Variants in ARMC2 observed in about 807,000 individuals in gnomAD.
The protein encoded by ARMC2 is armadillo repeat containing 2, also known as armadillo repeat-containing protein 2.
In ARMC2, 67 loss-of-function variants were observed where a neutral mutation model predicts 90.3. The ratio of observed to expected loss-of-function variants is 0.74; its 90% CI spans 0.61 to 0.91. The LOEUF is 0.91. Among genes scored for constraint, ARMC2 ranks in the 40% least tolerant of loss-of-function variants. ARMC2 has a pLI of 0.00. For synonymous variants in ARMC2, 393 were observed against 393.0 expected (o/e 1.00, Z 0.00); for missense variants, 920 against 1,030.9 (o/e 0.89, Z 1.47).
At chr6:108,861,754 G>T (rs1775266846) in intron 3 of ARMC2, among the ~76,000 whole-genome samples, 1 of 152,198 alleles carries the variant, frequency 6.6e-6, no homozygotes, top group Admixed American at 6.5e-5. Flanking sequence ...CAGCTCGGTG[G>T]CTCTACCTTA....
chr6:109,005,839 C>T, the ARMC2 span, among the ~76,000 whole-genome samples: 3 of 152,158 alleles, frequency 2.0e-5, no homozygotes, highest in Non-Finnish European at 2.9e-5. Flanking sequence ...ACAAATTATA[C>T]AAACGTGAGT....
chr6:109,018,544 G>A, the ARMC2 span, among the ~76,000 whole-genome samples: 20 of 151,780 alleles, frequency 1.3e-4, no homozygotes, highest in Admixed American at 5.9e-4. Context: ...CTGAAAGGGT[G>A]TAACTGTCAA....
At chr6:108,957,032 C>A (rs533235039) in intron 13 of ARMC2, among the ~76,000 whole-genome samples, 1 of 152,270 alleles carries the variant, frequency 6.6e-6, no homozygotes, top group South Asian at 2.1e-4. Flanking sequence ...GGTCAAGGGC[C>A]TCCCTGTGAG....
At position 108,876,302 on chromosome 6, in the gene ARMC2, A is replaced by T; in HGVS notation, c.623A>T (p.Glu208Val). ...GGCTTCAGTGAAATAAAGGAGCAAG[A>T]AATGTTCAAAGGAACAACATCTTTA... Reference protein sequence around the residue: ...DGGFSEIKEQEMFKGTTSLPS... With the variant: ...DGGFSEIKEQVMFKGTTSLPS... Residue 208 changes from glutamate (E) to valine (V), a missense_variant, in exon 5 of 18, where the codon GAA becomes GTA. Transcript: ENST00000392644. 3 of 1,612,792 alleles carry T rather than the reference A, an allele frequency of 1.9e-6. No homozygotes were observed. The highest frequency in any genetic ancestry group is 2.5e-6 in the Non-Finnish European group (3 of 1,179,586).
At chr6:108,961,881 T>TACA in intron 14 of ARMC2, 133 bp from the exon 15 acceptor site, 1 of 982,192 alleles carries the variant, frequency 1.0e-6, no homozygotes, top group Non-Finnish European at 1.5e-6. Flanking sequence ...TCTTAGTTCT[T>TACA]GCTAAAGTCC....
downstream of ARMC2, among the ~76,000 whole-genome samples, chr6:108,979,064 G>A (rs1471055746): frequency 2.0e-5 from 3 of 151,960 alleles, no homozygotes; most frequent in Non-Finnish European, 4.4e-5. Flanking sequence ...TATTTTGCCC[G>A]TTGTTGCAGT....
At chr6:108,899,837 TTA>T in intron 7 of ARMC2, 45 bp downstream of exon 7, 1 of 1,457,554 alleles carries the variant, frequency 6.9e-7, no homozygotes, top group East Asian at 2.3e-5. Context: ...TGTTTTTTTT[TTA>T]AAAAATACCT....
the ARMC2 span, among the ~76,000 whole-genome samples, chr6:109,047,720 A>G: frequency 6.9e-6 from 1 of 145,454 alleles, no homozygotes; most frequent in African/African-American, 2.5e-5. Context: ...AGAAGTAGAC[A>G]TGGGAGACTT....
intron 1 of ARMC2, among the ~76,000 whole-genome samples, chr6:108,851,658 A>G (rs1774025773): frequency 6.6e-6 from 1 of 152,050 alleles, no homozygotes; most frequent in African/African-American, 2.4e-5. Context: ...TGTCCAGACC[A>G]TGGATTACAT....
the ARMC2 span, among the ~76,000 whole-genome samples, chr6:109,002,082 T>C: frequency 6.6e-6 from 1 of 152,162 alleles, no homozygotes; most frequent in Non-Finnish European, 1.5e-5. Flanking sequence ...TAAAAACACA[T>C]CATGAAATAC....
the ARMC2 span, chr6:108,998,913 T>A: frequency 1.5e-6 from 1 of 677,416 alleles, no homozygotes; most frequent in South Asian, 2.4e-5. Context: ...TTTGCTAATT[T>A]TTATGAATAT....
chr6:108,875,673 C>T (rs556326480), intron 4 of ARMC2, among the ~76,000 whole-genome samples: 1 of 152,124 alleles, frequency 6.6e-6, no homozygotes, highest in African/African-American at 2.4e-5. Flanking sequence ...ATGGTTATTG[C>T]TTATTTTCTG....
intron 11 of ARMC2, among the ~76,000 whole-genome samples, chr6:108,934,472 G>A (rs1681283658): frequency 6.6e-6 from 1 of 152,010 alleles, no homozygotes; most frequent in South Asian, 2.1e-4. Flanking sequence ...TTCTCATATT[G>A]TCCTTGTCTG....
At chr6:108,919,493 G>T (rs1774329006) in intron 10 of ARMC2, among the ~76,000 whole-genome samples, 2 of 151,638 alleles carry the variant, frequency 1.3e-5, no homozygotes, top group Admixed American at 1.3e-4. Context: ...CCCCATGATT[G>T]TATTTCCTAA....
At chr6:108,927,525 A>T (rs555576480) in intron 10 of ARMC2, among the ~76,000 whole-genome samples, 115 of 151,474 alleles carry the variant, frequency 7.6e-4, no homozygotes, top group African/African-American at 2.7e-3. Flanking sequence ...TCTTTGACGA[A>T]GGTAAAGTAG....
Position 108,906,039 on chromosome 6 carries a change from C to T in ARMC2, c.1023+1634C>T, listed in dbSNP as rs1772652796. ...TTGAAGAAGAAAAAATCAGCAAAAA[C>T]TAAAGCTATATGGGACTAAGAAGTT... On this transcript the variant is annotated intron_variant, in intron 8 of 17. Coordinates refer to ENST00000392644, the MANE Select transcript of ARMC2 (RefSeq NM_032131.6). Among the ~76,000 whole-genome samples the T allele has an allele frequency of 2.6e-5, 4 of 152,184 alleles. No homozygotes were observed. The South Asian group carries it at 8.3e-4, about 31-fold the overall frequency.
chr6:108,953,334 T>C lies in ARMC2; in HGVS notation c.1898T>C (p.Leu633Pro). 1 of 1,605,494 alleles carries C rather than the reference T, an allele frequency of 6.2e-7. No individual in the cohort carries two copies. Among genetic ancestry groups the C allele is most frequent in the Non-Finnish European group, 8.5e-7 (1 of 1,178,248 alleles). The change falls in exon 13 of 18, where the codon CTG becomes CCG. Residue 633 changes from leucine (L) to proline (P), a missense_variant. Coordinates refer to ENST00000392644, the MANE Select transcript of ARMC2 (RefSeq NM_032131.6). ...VLAANPGIVG[L>P]LLTTLEYKSL... ...GCCGCCAACCCGGGGATAGTGGGCC[T>C]GCTCCTGACCACGCTGGGTGAGAAC...
chr6:108,856,217 G>A (rs1774584548), intron 2 of ARMC2, among the ~76,000 whole-genome samples: 1 of 151,636 alleles, frequency 6.6e-6, no homozygotes, highest in South Asian at 2.1e-4. Context: ...TCCATTTTGA[G>A]TTAATTTTTG....
chr6:108,931,568 C>CAA (rs986392587), intron 11 of ARMC2, among the ~76,000 whole-genome samples: 2 of 151,912 alleles, frequency 1.3e-5, no homozygotes, highest in Non-Finnish European at 2.9e-5. Context: ...CTTTTTTCTG[C>CAA]AACCTTGCCA....
Sources: allele counts gnomAD v4.1 joint callset (sites outside exome capture counted in the v4.1 genomes callset), GRCh38; gene constraint gnomAD v4.1.1; transcripts MANE v1.5; gene names NCBI Gene and HGNC (gene_info 2026-07-23, HGNC 2026-07-21).